FN3K: variants seen among roughly 807,000 people sequenced by gnomAD.
FN3K encodes the protein fructosamine 3 kinase.
A neutral mutation model predicts 24.8 loss-of-function variants in FN3K; 24 were observed. The observed-to-expected ratio is 0.97, with a 90% CI of 0.70 to 1.36. The LOEUF (loss-of-function observed/expected upper bound fraction) is 1.36, where lower values mean the gene tolerates loss of function less well. Ranked by LOEUF, FN3K falls within the 40% of genes most tolerant of loss-of-function variation. FN3K has a pLI of 0.00. For missense variants in FN3K, 449 were observed against 416.7 expected, an observed-to-expected ratio of 1.08 and a Z score of -0.67; for synonymous variants, 192 against 175.2, an observed-to-expected ratio of 1.10 and a Z score of -0.76.
At chr17:82,744,327 G>T (rs1187067890) in intron 4 of FN3K, among the ~76,000 whole-genome samples, 3 of 152,224 alleles carry the variant, frequency 2.0e-5, no homozygotes, top group Non-Finnish European at 2.9e-5. Flanking sequence ...CATTTAAAAT[G>T]TATAATTTGG....
At chr17:82,738,944 A>ACGTG (rs2046924075) in intron 2 of FN3K, among the ~76,000 whole-genome samples, 6 of 83,034 alleles carry the variant, frequency 7.2e-5, no homozygotes, top group African/African-American at 2.2e-4. Context: ...ATATATATAT[A>ACGTG]TATTTTTTTT....
At chr17:82,743,716 G>C (rs757531240) in intron 4 of FN3K, among the ~76,000 whole-genome samples, 1 of 152,244 alleles carries the variant, frequency 6.6e-6, no homozygotes, top group South Asian at 2.1e-4. Flanking sequence ...TCACTGATCC[G>C]TTTTATAGAT....
At chr17:82,745,043 CCT>C (rs2046961006) in intron 4 of FN3K, 1 of 152,150 alleles carries the variant, frequency 6.6e-6, no homozygotes, top group Non-Finnish European at 1.5e-5. Context: ...GGCATGCCTT[CCT>C]CTTATACTAA....
intron 4 of FN3K, among the ~76,000 whole-genome samples, chr17:82,743,089 T>C (rs1404801367): frequency 6.6e-6 from 1 of 151,840 alleles, no homozygotes; most frequent in African/African-American, 2.4e-5. Flanking sequence ...CACACACCTG[T>C]CCGGAGCCAG....
At chr17:82,742,186 C>T (rs1476964632) in intron 4 of FN3K, among the ~76,000 whole-genome samples, 7 of 151,894 alleles carry the variant, frequency 4.6e-5, no homozygotes, top group African/African-American at 1.2e-4. Context: ...ATTACAGGCA[C>T]GAGCCACCGC....
chr17:82,750,589 TC>T lies in FN3K; in HGVS notation c.768del (p.Arg257AspfsTer30). The T allele has an allele frequency of 6.2e-7, 1 of 1,614,076 alleles. No individual in the cohort carries two copies. Among genetic ancestry groups the T allele is most frequent in the Non-Finnish European group, 8.5e-7 (1 of 1,180,006 alleles). ...ELAIALMFGG[F>X]PRSFFTAYHR... is the part of the protein sequence containing the mutation. ...GCAATCGCCTTGATGTTTGGGGGGT[TC>T]CCCAGATCCTTCTTCACCGCCTACC... On this transcript the variant is annotated frameshift_variant, in exon 6 of 6. Transcript: ENST00000300784. LOFTEE classifies it low-confidence loss of function (END_TRUNC).
intron 2 of FN3K, 57 bp from the exon 3 acceptor site, chr17:82,740,706 T>A: frequency 8.3e-7 from 1 of 1,202,758 alleles, no homozygotes; most frequent in East Asian, 2.4e-5. Flanking sequence ...TGGAACAAAC[T>A]GGGTGGTGTT....
chr17:82,750,428 G>C lies in FN3K; in HGVS notation c.603G>C (p.Pro201=). ...CGTTGCTCTCGTAGGTGAAGATCCCGGATCTGTTTTGTGGCCTAGAGATTG... is the reference window on the plus strand; with the variant it reads ...CGTTGCTCTCGTAGGTGAAGATCCCCGATCTGTTTTGTGGCCTAGAGATTG... ...ELWSRLQVKI[P]DLFCGLEIVP... is the part of the protein sequence containing the mutation. The change falls in exon 6 of 6, where the codon CCG becomes CCC. Residue 201 remains proline, a synonymous_variant. Transcript: ENST00000300784. 2 of 1,614,112 alleles carry C rather than the reference G, an allele frequency of 1.2e-6. No homozygotes were observed. Among genetic ancestry groups the C allele is most frequent in the East Asian group, 2.2e-5 (1 of 44,878 alleles).
At position 82,738,493 on chromosome 17, in the gene FN3K, G is replaced by A. The variant is rs780579781; in HGVS notation, c.146G>A (p.Arg49Gln). ...AAGGCTGTGTTCTGGATGCAGGCCC[G>A]GCAGATGTTTGAGGGGGAGGTGGCC... ...FVKVNRRTQA[R>Q]QMFEGEVASL... is the part of the protein sequence containing the mutation. The change falls in exon 2 of 6, where the codon CGG becomes CAG. Residue 49 changes from arginine (R) to glutamine (Q), a missense_variant. Arg to Gln is a conservative substitution (Grantham distance 43, BLOSUM62 1). Transcript: ENST00000300784. 1.2e-6 allele frequency: 2 copies of A among 1,612,134 alleles called. No homozygotes were observed. The highest frequency in any genetic ancestry group is 1.7e-5 in the Admixed American group (1 of 60,014).
In FN3K at chr17:82,738,925, C is replaced by CGTGT. The variant is rs1261335715; in HGVS notation, c.293+285_293+286insGTGT. Among the ~76,000 whole-genome samples the CGTGT allele has an allele frequency of 4.1e-3, 423 of 104,002 alleles. 12 individuals carry two copies. The highest frequency in any genetic ancestry group is 0.016 in the African/African-American group (392 of 24,090). 68.2% of individuals were successfully genotyped at this position (104,002 alleles called of 152,430 possible). ...GCTGCATAAAATATATATATATACA[C>CGTGT]ATATATATATATATATATATATTTT... is the stretch of plus-strand genomic sequence containing the variant. On this transcript the variant is annotated intron_variant, in intron 2 of 5. Transcript: ENST00000300784.
chr17:82,746,115 A>AATT, intron 4 of FN3K, among the ~76,000 whole-genome samples: 1 of 140,168 alleles, frequency 7.1e-6, no homozygotes, highest in Non-Finnish European at 1.6e-5. Context: ...AAAAAAAACT[A>AATT]CCAAACTCTT....
rs190928766 is a variant in FN3K at position 82,740,794 on chromosome 17, G to A, written c.325G>A (p.Asp109Asn). Residue 109 changes from aspartate to asparagine, a missense_variant, in exon 3 of 6, where the codon GAT (aspartate) becomes AAT (asparagine). Coordinates refer to ENST00000300784, the MANE Select transcript of FN3K (RefSeq NM_022158.4). ...ATCAAAACTTGGAGAGCAGATGGCA[G>A]ATTTGCATCTTTACAACCAGAAGCT... ...QASKLGEQMA[D>N]LHLYNQKLRE... The A allele has an allele frequency of 6.2e-7, 1 of 1,613,788 alleles. No individual in the cohort carries two copies. Among genetic ancestry groups the A allele is most frequent in the East Asian group, 2.2e-5 (1 of 44,860 alleles).
Position 82,750,886 on chromosome 17 carries a change from C to T in FN3K, c.*131C>T. 1 of 549,118 alleles carries T rather than the reference C, an allele frequency of 1.8e-6. No individual in the cohort carries two copies. Among genetic ancestry groups the T allele is most frequent in the Admixed American group, 3.0e-5 (1 of 33,890 alleles). The allele number at this position is 549,118 out of a possible 1,614,324, so 34.0% of individuals were successfully genotyped here. A position where few individuals can be genotyped will look rare whatever the true frequency, so the allele number is the denominator to read the frequency against. ...TCTCCCCGTCCCTCCGTCTCCATCC[C>T]CCCGTCCCCCCATCCTCCTGTCCCC... On this transcript the variant is annotated 3_prime_UTR_variant, in exon 6 of 6. Coordinates refer to ENST00000300784, the MANE Select transcript of FN3K (RefSeq NM_022158.4).
intron 4 of FN3K, 112 bp downstream of exon 4, chr17:82,741,505 T>C (rs1005900162): frequency 3.0e-6 from 3 of 1,010,318 alleles, no homozygotes; most frequent in African/African-American, 1.6e-5. Context: ...ACTTGATTTC[T>C]GAAAGCAGAG....
At chr17:82,743,593 C>G (rs1215595855) in intron 4 of FN3K, among the ~76,000 whole-genome samples, 1 of 148,572 alleles carries the variant, frequency 6.7e-6, no homozygotes, top group Non-Finnish European at 1.5e-5. Flanking sequence ...CCAGCTGGGT[C>G]GGCTGTGGTG....
intron 4 of FN3K, among the ~76,000 whole-genome samples, chr17:82,743,879 T>C (rs1411468993): frequency 3.9e-5 from 6 of 152,212 alleles, no homozygotes; most frequent in African/African-American, 1.4e-4. Context: ...ACCAGCTGTG[T>C]ACCCAGGTGG....
In FN3K at chr17:82,748,988, C is replaced by T; in HGVS notation, c.591+11C>T. On this transcript the variant is annotated intron_variant, in intron 5 of 5. Coordinates refer to ENST00000300784, the MANE Select transcript of FN3K (RefSeq NM_022158.4). ...TGGTCCCGGCTACAGGTGGGCACGG[C>T]AGTGACTTCTCTGGGAAAGAGCTGG... 1.9e-6 allele frequency: 3 copies of T among 1,614,154 alleles called. No homozygotes were observed. Among genetic ancestry groups the T allele is most frequent in the Non-Finnish European group, 2.5e-6 (3 of 1,180,010 alleles).
chr17:82,739,821 G>A (rs767190695), intron 2 of FN3K, among the ~76,000 whole-genome samples: 3 of 152,052 alleles, frequency 2.0e-5, no homozygotes, highest in South Asian at 2.1e-4. Flanking sequence ...TCAGTGATCC[G>A]CCTGCCTTGG....
intron 5 of FN3K, 34 bp downstream of exon 5, chr17:82,749,011 T>C: frequency 1.2e-6 from 2 of 1,613,870 alleles, no homozygotes; most frequent in Non-Finnish European, 1.7e-6. Flanking sequence ...GGGAAAGAGC[T>C]GGTCCTCTCA....
Sources: gnomAD v4.1 joint callset for allele counts (sites outside exome capture counted in the v4.1 genomes callset) on GRCh38, gnomAD v4.1.1 for gene constraint, MANE v1.5 for transcripts, NCBI Gene and HGNC (gene_info 2026-07-23, HGNC 2026-07-21) for gene names.